Variants in ERBB4 observed in about 807,000 individuals in gnomAD.
The protein encoded by ERBB4 is erb-b2 receptor tyrosine kinase 4, also known as receptor tyrosine-protein kinase erbB-4.
A neutral mutation model predicts 158.0 loss-of-function variants in ERBB4; 42 were observed. The ratio of observed to expected loss-of-function variants is 0.27; its 90% CI spans 0.21 to 0.34. The LOEUF (loss-of-function observed/expected upper bound fraction) is 0.34. ERBB4 is among the 10% of genes least tolerant of loss of function. ERBB4 has a pLI of 1.00. For synonymous variants in ERBB4, 583 were observed against 558.7 expected, an observed-to-expected ratio of 1.04 and a Z score of -0.61; for missense variants, 1,333 against 1,624.1, an observed-to-expected ratio of 0.82 and a Z score of 3.08.
chr2:212,285,653 T>C (rs897280519), intron 1 of ERBB4, among the ~76,000 whole-genome samples: 3 of 152,086 alleles, frequency 2.0e-5, no homozygotes, highest in South Asian at 2.1e-4. Flanking sequence ...GAATGCAAAG[T>C]CAATAACAGA....
chr2:212,257,699 C>T (rs558848168), intron 1 of ERBB4, among the ~76,000 whole-genome samples: 3 of 152,140 alleles, frequency 2.0e-5, no homozygotes, highest in Non-Finnish European at 4.4e-5. Flanking sequence ...ACGTGTTGAA[C>T]ATAAAATTCA....
intron 1 of ERBB4, among the ~76,000 whole-genome samples, chr2:212,161,969 G>C (rs574594906): frequency 9.2e-5 from 14 of 151,804 alleles, no homozygotes; most frequent in Non-Finnish European, 2.1e-4. Context: ...AGAGCAAGTA[G>C]CACTGTTATA....
At chr2:211,746,114 T>C (rs932675887) in intron 5 of ERBB4, among the ~76,000 whole-genome samples, 4 of 152,190 alleles carry the variant, frequency 2.6e-5, no homozygotes, top group Admixed American at 6.5e-5. Context: ...CTATGTTAAC[T>C]TGTATACTAT....
chr2:211,923,897 T>C (rs2079943810), intron 3 of ERBB4, among the ~76,000 whole-genome samples: 1 of 152,086 alleles, frequency 6.6e-6, no homozygotes. Flanking sequence ...TAATTTTGTA[T>C]TTTGAGTAGA....
chr2:211,406,715 A>G (rs1559136197), intron 25 of ERBB4, among the ~76,000 whole-genome samples: 1 of 152,152 alleles, frequency 6.6e-6, no homozygotes, highest in African/African-American at 2.4e-5. Context: ...AAGTGATAAA[A>G]ATAGTTAGTA....
intron 3 of ERBB4, among the ~76,000 whole-genome samples, chr2:211,926,068 A>T (rs1052695526): frequency 8.5e-5 from 13 of 152,136 alleles, no homozygotes; most frequent in Non-Finnish European, 2.9e-5. Context: ...AGCTGAAGGG[A>T]GGTGGTTGCG....
chr2:212,360,603 T>G (rs2106361121), intron 1 of ERBB4, among the ~76,000 whole-genome samples: 1 of 151,782 alleles, frequency 6.6e-6, no homozygotes, highest in African/African-American at 2.4e-5. Flanking sequence ...ATGACCAAAC[T>G]TAGTAGCAAC....
chr2:211,961,610 C>T (rs186847205), intron 2 of ERBB4, among the ~76,000 whole-genome samples: 68 of 152,250 alleles, frequency 4.5e-4, no homozygotes, highest in African/African-American at 1.3e-3. Flanking sequence ...CAAGATATTA[C>T]GTGCCTCCCA....
chr2:212,199,650 G>C (rs113905961), intron 1 of ERBB4, among the ~76,000 whole-genome samples: 1 of 152,114 alleles, frequency 6.6e-6, no homozygotes, highest in African/African-American at 2.4e-5. Context: ...AGCTTTATCT[G>C]AGTAAGCAGC....
intron 20 of ERBB4, among the ~76,000 whole-genome samples, chr2:211,455,154 T>C (rs1274108357): frequency 6.6e-6 from 1 of 152,254 alleles, no homozygotes; most frequent in Non-Finnish European, 1.5e-5. Context: ...TGTTTTAATA[T>C]GATCATCTAT....
At chr2:212,003,194 A>G (rs1480252568) in intron 2 of ERBB4, among the ~76,000 whole-genome samples, 930 of 70,484 alleles carry the variant, frequency 0.013, 118 homozygotes, top group Non-Finnish European at 0.027. Flanking sequence ...AGAAAGAAAG[A>G]AAGAAAGAAA....
intron 1 of ERBB4, among the ~76,000 whole-genome samples, chr2:212,231,500 T>C (rs935931649): frequency 6.6e-6 from 1 of 152,236 alleles, no homozygotes; most frequent in Non-Finnish European, 1.5e-5. Flanking sequence ...AAATTGGCTC[T>C]TGTTAAATGC....
chr2:212,096,436 T>C (rs1021364890), intron 2 of ERBB4, among the ~76,000 whole-genome samples: 2 of 152,158 alleles, frequency 1.3e-5, no homozygotes, highest in Admixed American at 6.5e-5. Flanking sequence ...ATATGTTATA[T>C]ATTAGGAGGC....
At chr2:211,389,157 T>A (rs1363992127) in intron 25 of ERBB4, among the ~76,000 whole-genome samples, 1 of 152,094 alleles carries the variant, frequency 6.6e-6, no homozygotes, top group Non-Finnish European at 1.5e-5. Flanking sequence ...TTCCTCAGCC[T>A]CCCGAGTAGC....
intron 4 of ERBB4, among the ~76,000 whole-genome samples, chr2:211,766,807 TC>T (rs1291594300): frequency 4.6e-5 from 7 of 152,132 alleles, no homozygotes; most frequent in Admixed American, 4.6e-4. Context: ...CAAAGGCTAC[TC>T]CTTTTGCAAC....
intron 3 of ERBB4, among the ~76,000 whole-genome samples, chr2:211,849,803 C>A (rs936666482): frequency 2.6e-5 from 4 of 151,166 alleles, no homozygotes; most frequent in South Asian, 2.1e-4. Context: ...AAGAGTAGAA[C>A]CAAAAGTATA....
chr2:212,497,378 C>G (rs563332104), intron 1 of ERBB4, among the ~76,000 whole-genome samples: 43 of 152,052 alleles, frequency 2.8e-4, no homozygotes, highest in Non-Finnish European at 5.6e-4. Flanking sequence ...TTTTCTTTAT[C>G]AAAATGAGAT....
At chr2:212,199,750 G>A (rs1034954476) in intron 1 of ERBB4, among the ~76,000 whole-genome samples, 25 of 151,820 alleles carry the variant, frequency 1.6e-4, no homozygotes, top group Non-Finnish European at 1.8e-4. Flanking sequence ...TATTAGAGAT[G>A]AGCAATTCAC....
intron 2 of ERBB4, among the ~76,000 whole-genome samples, chr2:211,956,174 T>A (rs2081023759): frequency 6.6e-6 from 1 of 152,110 alleles, no homozygotes; most frequent in South Asian, 2.1e-4. Flanking sequence ...TGAGTTCAAT[T>A]TTTTTCCTAT....
Sources: allele counts gnomAD v4.1 joint callset (sites outside exome capture counted in the v4.1 genomes callset), GRCh38; gene constraint gnomAD v4.1.1; transcripts MANE v1.5; gene names NCBI Gene and HGNC (gene_info 2026-07-23, HGNC 2026-07-21).